Variants in HDHD5 observed in about 807,000 individuals in gnomAD.
HDHD5 encodes haloacid dehalogenase like hydrolase domain containing 5.
A neutral mutation model predicts 35.5 loss-of-function variants in HDHD5; 34 were observed. That is an observed-to-expected ratio of 0.96 (90% confidence interval 0.73 to 1.28). The LOEUF (loss-of-function observed/expected upper bound fraction) is 1.28. HDHD5 is among the 50% of genes most tolerant of loss of function. The probability of loss-of-function intolerance (pLI) is 0.00; values close to 1 mark genes in which losing one functional copy is unlikely to be tolerated. For synonymous variants in HDHD5, 248 were observed against 240.6 expected (o/e 1.03, Z -0.29); for missense variants, 589 against 560.2 (o/e 1.05, Z -0.52).
In HDHD5 at chr22:17,138,118, C is replaced by T; in HGVS notation, c.1175G>A (p.Cys392Tyr). The T allele has an allele frequency of 6.2e-7, 1 of 1,614,176 alleles. No individual in the cohort carries two copies. Among genetic ancestry groups the T allele is most frequent in the South Asian group, 1.1e-5 (1 of 91,076 alleles). Reference sequence around the variant, plus strand: ...GGCCTCCATGAGCCCTGGACTGAAGCATAAGTCTCGGTGCCCGTGGAATGG... The same window carrying T: ...GGCCTCCATGAGCCCTGGACTGAAGTATAAGTCTCGGTGCCCGTGGAATGG... ...EPPFHGHRDL[C>Y]FSPGLMEASH... The change falls in exon 8 of 8, where the codon TGC becomes TAC. Residue 392 changes from cysteine (C) to tyrosine (Y), a missense_variant. Physicochemically the swap from Cys to Tyr is radical, Grantham distance 194. Coordinates refer to ENST00000336737, the MANE Select transcript of HDHD5 (RefSeq NM_033070.3).
chr22:17,141,127 G>C lies in HDHD5; in HGVS notation c.678C>G (p.Pro226=), dbSNP rs149316122. ...TGGCTAGGACGGGGAGGTGGGGGTAGGGGGGTGTTGCCAGGCCAGCCCCAG... is the reference window on the plus strand; with the variant it reads ...TGGCTAGGACGGGGAGGTGGGGGTACGGGGGTGTTGCCAGGCCAGCCCCAG... The part of the protein sequence containing the change: ...GSPGAGLATP[P]YPHLPVLASN... The change falls in exon 6 of 8, where the codon CCC becomes CCG. Residue 226 remains proline (P), a synonymous_variant. Transcript: ENST00000336737. The C allele has an allele frequency of 1.9e-6, 3 of 1,594,866 alleles. No homozygotes were observed. Among genetic ancestry groups the C allele is most frequent in the South Asian group, 1.1e-5 (1 of 88,528 alleles).
chr22:17,158,149 T>G (rs987090966), intron 1 of HDHD5, among the ~76,000 whole-genome samples: 1 of 152,096 alleles, frequency 6.6e-6, no homozygotes, highest in Non-Finnish European at 1.5e-5. Flanking sequence ...GGTGAAACCC[T>G]GTCTCTACTA....
chr22:17,165,022 A>G (rs556060502), intron 1 of HDHD5, among the ~76,000 whole-genome samples: 1 of 152,172 alleles, frequency 6.6e-6, no homozygotes, highest in Non-Finnish European at 1.5e-5. Flanking sequence ...CTCTCTTTCT[A>G]TCTCTCTCCA....
rs577153294 is a variant in HDHD5 at position 17,157,113 on chromosome 22, C to CACACACACAA, written c.126+2012_126+2013insTTGTGTGTGT. ...ACACACACACACACACACACACACACAAAAGAAAAAAGCTATGGAACAATG... is the reference window on the plus strand; with the variant it reads ...ACACACACACACACACACACACACACACACACACAAAAAAGAAAAAAGCTATGGAACAATG... On this transcript the variant is annotated intron_variant, in intron 1 of 7. Transcript: ENST00000336737. 3.4e-5 allele frequency among the ~76,000 whole-genome samples: 5 copies of CACACACACAA among 145,102 alleles called. No individual in the cohort carries two copies. In the South Asian group the frequency reaches 8.8e-4, roughly 26 times the overall value.
chr22:17,158,872 C>T (rs2061833631), intron 1 of HDHD5: 1 of 286,648 alleles, frequency 3.5e-6, no homozygotes, highest in Non-Finnish European at 6.4e-6. Context: ...CAGGGGCTGA[C>T]AAGCAGCCTG....
In HDHD5 at chr22:17,143,403, G is replaced by C. The variant is rs1306521913; in HGVS notation, c.538-272C>G. Reference sequence around the variant, plus strand: ...GTGGTCAGCTGTCTTTCTCTGGTGGGAGAGGACACAAGATATAGCCAAGCA... The same window carrying C: ...GTGGTCAGCTGTCTTTCTCTGGTGGCAGAGGACACAAGATATAGCCAAGCA... On this transcript the variant is annotated intron_variant, in intron 4 of 7. Transcript: ENST00000336737. The C allele has an allele frequency of 1.5e-5, 6 of 411,794 alleles. No individual in the cohort carries two copies. The Admixed American group carries it at 2.4e-4, about 16-fold the overall frequency. 25.5% of individuals were successfully genotyped at this position (411,794 alleles called of 1,614,324 possible). A position where few individuals can be genotyped will look rare whatever the true frequency, so the allele number is the denominator to read the frequency against.
intron 4 of HDHD5, 154 bp from the exon 5 acceptor site, chr22:17,143,285 G>A (rs1406531004): frequency 4.3e-6 from 3 of 698,288 alleles, no homozygotes; most frequent in Admixed American, 3.8e-5. Flanking sequence ...AGCTGGAGAG[G>A]ACTGAGAAAG....
chr22:17,163,274 T>C (rs1479780942), upstream of HDHD5, among the ~76,000 whole-genome samples: 3 of 152,204 alleles, frequency 2.0e-5, no homozygotes, highest in African/African-American at 7.2e-5. Context: ...TTCTATGCGC[T>C]GACTTGCCCC....
At position 17,159,182 on chromosome 22, in the gene HDHD5, C is replaced by CCG. The variant is rs1331355560; in HGVS notation, c.68_69dup (p.Ala24ArgfsTer41). On this transcript the variant is annotated frameshift_variant, in exon 1 of 8. Coordinates refer to ENST00000336737, the MANE Select transcript of HDHD5 (RefSeq NM_033070.3). LOFTEE classifies it high-confidence loss of function. ...GCGGGGCGGCCCTGGAGCCCCGCAG[C>CCG]CGCGCGCGCCGCCCGCCAGCAAAGC... The CCG allele has an allele frequency of 8.2e-7, 1 of 1,213,908 alleles. No homozygotes were observed. The highest frequency in any genetic ancestry group is 1.0e-6 in the Non-Finnish European group (1 of 975,512). 75.2% of individuals were successfully genotyped at this position (1,213,908 alleles called of 1,614,324 possible).
intron 1 of HDHD5, among the ~76,000 whole-genome samples, chr22:17,155,082 G>C (rs1322543879): frequency 6.6e-6 from 1 of 152,154 alleles, no homozygotes; most frequent in Non-Finnish European, 1.5e-5. Flanking sequence ...CTCAATCTGG[G>C]AGATGGGCAC....
rs553675965 is a variant in HDHD5, at chr22:17,157,129, T to TA, written c.126+1996_126+1997insT. On this transcript the variant is annotated intron_variant, in intron 1 of 7. Transcript: ENST00000336737. ...ACACACACACAAAAGAAAAAAGCTA[T>TA]GGAACAATGATATAAATGAAGATAT... Among the ~76,000 whole-genome samples the TA allele has an allele frequency of 9.5e-5, 12 of 125,970 alleles. 1 individual carries two copies. In the South Asian group the frequency reaches 2.9e-3, roughly 30 times the overall value. 82.6% of individuals were successfully genotyped at this position (125,970 alleles called of 152,430 possible).
chr22:17,164,664 C>T (rs1452168611), intron 1 of HDHD5, among the ~76,000 whole-genome samples: 2 of 152,210 alleles, frequency 1.3e-5, no homozygotes, highest in Non-Finnish European at 2.9e-5. Context: ...CAAGGAGTCT[C>T]TTATACCACT....
intron 1 of HDHD5, among the ~76,000 whole-genome samples, chr22:17,164,569 G>T (rs1287609479): frequency 2.0e-5 from 3 of 152,176 alleles, no homozygotes; most frequent in Non-Finnish European, 4.4e-5. Flanking sequence ...TAAGATAGCT[G>T]CTCAGGCTCC....
intron 3 of HDHD5, among the ~76,000 whole-genome samples, chr22:17,145,346 C>T (rs3815480): frequency 0.82 from 124,975 of 152,136 alleles, 51,559 homozygotes; most frequent in Middle Eastern, 0.88. Flanking sequence ...CCAGCAGTCA[C>T]CAGGCACATG....
At position 17,137,651 on chromosome 22, in the gene HDHD5, A is replaced by G; in HGVS notation, c.*370T>C. The G allele has an allele frequency of 5.0e-6, 1 of 200,324 alleles. No homozygotes were observed. The highest frequency in any genetic ancestry group is 5.5e-5 in the Admixed American group (1 of 18,094). The allele number at this position is 200,324 out of a possible 1,614,324, so 12.4% of individuals were successfully genotyped here. A position where few individuals can be genotyped will look rare whatever the true frequency, so the allele number is the denominator to read the frequency against. The stretch of plus-strand genomic sequence containing the variant: ...CTCTGCCGACAGGCTGCATGCCTTC[A>G]GTGCCGGCAAAGGCTCTGCACAGAC... On this transcript the variant is annotated 3_prime_UTR_variant, in exon 8 of 8. Coordinates refer to ENST00000336737, the MANE Select transcript of HDHD5 (RefSeq NM_033070.3).
At chr22:17,159,716 T>C (rs2061848890), upstream of HDHD5, 1 of 299,644 alleles carries the variant, frequency 3.3e-6, no homozygotes, top group South Asian at 2.4e-5. Context: ...CGCGCGCCAA[T>C]TGTTAAGTCT....
At chr22:17,158,889 G>A in intron 1 of HDHD5, 1 of 307,256 alleles carries the variant, frequency 3.3e-6, no homozygotes, top group Non-Finnish European at 5.9e-6. Context: ...CCTGGCCCAG[G>A]CCGTCCCACG....
chr22:17,146,549 A>G (rs1402876926), intron 3 of HDHD5, among the ~76,000 whole-genome samples: 38 of 88,132 alleles, frequency 4.3e-4, no homozygotes, highest in African/African-American at 1.4e-3. Flanking sequence ...CACACCTGTG[A>G]CGCCCTCCTG....
upstream of HDHD5, among the ~76,000 whole-genome samples, chr22:17,160,457 A>G (rs1163890514): frequency 6.6e-6 from 1 of 151,926 alleles, no homozygotes; most frequent in Admixed American, 6.6e-5. Flanking sequence ...AAGACCACCT[A>G]GCCAAGATGG....
Sources: gnomAD v4.1 joint callset for allele counts (sites outside exome capture counted in the v4.1 genomes callset) on GRCh38, gnomAD v4.1.1 for gene constraint, MANE v1.5 for transcripts, NCBI Gene and HGNC (gene_info 2026-07-23, HGNC 2026-07-21) for gene names.